Variants in SBK2 observed in about 807,000 individuals in gnomAD.
SBK2 encodes the protein SH3 domain binding kinase family member 2.
A neutral mutation model predicts 15.9 loss-of-function variants in SBK2; 18 were observed. The ratio of observed to expected loss-of-function variants is 1.13; its 90% CI spans 0.78 to 1.68. The LOEUF is 1.68. SBK2 is among the 40% of genes most tolerant of loss of function. The pLI is 0.00. For synonymous variants in SBK2, 284 were observed against 246.8 expected, an observed-to-expected ratio of 1.15 and a Z score of -1.41; for missense variants, 581 against 510.9, an observed-to-expected ratio of 1.14 and a Z score of -1.32.
At chr19:55,531,415 C>T (rs913946959) in intron 2 of SBK2, 70 bp from the exon 3 acceptor site, 20 of 1,205,768 alleles carry the variant, frequency 1.7e-5, no homozygotes, top group South Asian at 1.0e-4. Context: ...TGCTCTGTTC[C>T]CCTGTGGTCC....
In SBK2 at chr19:55,529,817, G is replaced by A. The variant is rs1299455826; in HGVS notation, c.963C>T (p.Ile321=). Residue 321 remains isoleucine (I), a synonymous_variant, in exon 4 of 4, where the codon ATC becomes ATT. Coordinates refer to ENST00000413299, the MANE Select transcript of SBK2 (RefSeq NM_001370096.2). Reference sequence around the variant, plus strand: ...TCCAGGGGCGCCCCAGGTGCTCCCTGATGGCGATCACAGCGCTCCTCCTTC... The same window carrying A: ...TCCAGGGGCGCCCCAGGTGCTCCCTAATGGCGATCACAGCGCTCCTCCTTC... ...HPRRRSAVIA[I]REHLGRPWRQ... 1 of 1,604,606 alleles carries A rather than the reference G, an allele frequency of 6.2e-7. No individual in the cohort carries two copies. Among genetic ancestry groups the A allele is most frequent in the Non-Finnish European group, 8.5e-7 (1 of 1,179,602 alleles).
intron 2 of SBK2, among the ~76,000 whole-genome samples, chr19:55,531,678 T>TA (rs913902121): frequency 6.6e-6 from 1 of 152,128 alleles, no homozygotes; most frequent in Non-Finnish European, 1.5e-5. Flanking sequence ...ACCCTACCTC[T>TA]AAAAAAAGTT....
At position 55,531,242 on chromosome 19, in the gene SBK2, GAT is replaced by G; in HGVS notation, c.355_356del (p.Ile119ArgfsTer379). The G allele has an allele frequency of 6.2e-7, 1 of 1,613,564 alleles. No individual in the cohort carries two copies. Among genetic ancestry groups the G allele is most frequent in the Non-Finnish European group, 8.5e-7 (1 of 1,179,886 alleles). On this transcript the variant is annotated frameshift_variant, in exon 3 of 4. Coordinates refer to ENST00000413299, the MANE Select transcript of SBK2 (RefSeq NM_001370096.2). LOFTEE classifies it high-confidence loss of function. ...CGATGCCAATGCCGTAGGCCGTCAC[GAT>G]GGCTGAGTGCGCGCCCAGCGAGAGC... is the stretch of plus-strand genomic sequence containing the variant. ...VGLSLGAHSA[I>X]VTAYGIGIES...
Position 55,531,102 on chromosome 19 carries a change from C to T in SBK2, c.456+41G>A, listed in dbSNP as rs771327717. ...GCTGCTCAGGACGTTCCTGGGAGGC[C>T]GGTGAGGCACTCGGAGGCGGCCTGG... On this transcript the variant is annotated intron_variant, in intron 3 of 3. Coordinates refer to ENST00000413299, the MANE Select transcript of SBK2 (RefSeq NM_001370096.2). 8.3e-6 allele frequency: 13 copies of T among 1,572,684 alleles called. No individual in the cohort carries two copies. The South Asian group carries it at 1.1e-4, about 13-fold the overall frequency.
intron 2 of SBK2, among the ~76,000 whole-genome samples, chr19:55,531,812 T>G (rs1032929691): frequency 6.6e-6 from 1 of 152,106 alleles, no homozygotes; most frequent in African/African-American, 2.4e-5. Flanking sequence ...ACCTCTTCTC[T>G]ACTAAAAACA....
At chr19:55,532,251 A>G (rs888555828) in intron 2 of SBK2, among the ~76,000 whole-genome samples, 2 of 149,698 alleles carry the variant, frequency 1.3e-5, no homozygotes, top group Non-Finnish European at 3.0e-5. Context: ...TGTGGAAACG[A>G]CTTCCTAGAA....
intron 2 of SBK2, among the ~76,000 whole-genome samples, chr19:55,534,448 C>T (rs1471248403): frequency 1.3e-5 from 2 of 152,132 alleles, no homozygotes; most frequent in East Asian, 3.9e-4. Context: ...GTGGCGCACA[C>T]CTGTAATCCC....
At position 55,536,175 on chromosome 19, in the gene SBK2, G is replaced by T. The variant is rs777880595; in HGVS notation, c.120C>A (p.Arg40=). The part of the protein sequence containing the change: ...EELQQGQEAA[R]ALEDMMTLSA... ...TCAGCGTCATCATGTCCTCCAGCGC[G>T]CGGGCAGCCTCCTGGCCCTGCTGGA... The change falls in exon 2 of 4, where the codon CGC becomes CGA. Residue 40 remains arginine, a synonymous_variant. Transcript: ENST00000413299. 4 of 1,606,760 alleles carry T rather than the reference G, an allele frequency of 2.5e-6. No individual in the cohort carries two copies. Among genetic ancestry groups the T allele is most frequent in the Non-Finnish European group, 3.4e-6 (4 of 1,176,966 alleles).
intron 3 of SBK2, 76 bp from the exon 4 acceptor site, chr19:55,530,399 C>T (rs1439998013): frequency 3.8e-6 from 5 of 1,302,304 alleles, no homozygotes; most frequent in Non-Finnish European, 5.0e-6. Context: ...AGGCCCAGGA[C>T]GCCAAGGAGG....
chr19:55,532,601 CTT>C (rs10682612), intron 2 of SBK2, among the ~76,000 whole-genome samples: 62 of 128,370 alleles, frequency 4.8e-4, no homozygotes, highest in Admixed American at 1.1e-3. Flanking sequence ...TACACCCGCC[CTT>C]TTTTTTTTTT....
At chr19:55,535,485 G>C (rs1452794481) in intron 2 of SBK2, among the ~76,000 whole-genome samples, 1 of 152,170 alleles carries the variant, frequency 6.6e-6, no homozygotes, top group African/African-American at 2.4e-5. Context: ...CATTCACTCA[G>C]AGGATCCACC....
Position 55,530,305 on chromosome 19 carries a change from C to T in SBK2, c.475G>A (p.Ala159Thr), listed in dbSNP as rs1213030020. The change falls in exon 4 of 4, where the codon GCG becomes ACG. Residue 159 changes from alanine (A) to threonine (T), a missense_variant. Transcript: ENST00000413299. ...IQPKVGLPQPAVHRCAAQLAS... is the reference protein window; with the variant it reads ...IQPKVGLPQPTVHRCAAQLAS... ...AGCTGGGCGGCGCAGCGGTGCACCG[C>T]GGGCTGCGGGAGGCCCACCTGCGGG... is the stretch of plus-strand genomic sequence containing the variant. The T allele has an allele frequency of 1.5e-5, 21 of 1,417,180 alleles. No individual in the cohort carries two copies. Among genetic ancestry groups the T allele is most frequent in the Admixed American group, 3.1e-5 (1 of 32,302 alleles). The allele number at this position is 1,417,180 out of a possible 1,614,324, so 87.8% of individuals were successfully genotyped here.
chr19:55,528,928 C>G lies in SBK2; in HGVS notation c.*805G>C, dbSNP rs188409686. Among the ~76,000 whole-genome samples the G allele has an allele frequency of 1.7e-4, 26 of 152,258 alleles. No homozygotes were observed. The highest frequency in any genetic ancestry group is 3.4e-3 in the Middle Eastern group (1 of 294). On this transcript the variant is annotated 3_prime_UTR_variant, in exon 4 of 4. Coordinates refer to ENST00000413299, the MANE Select transcript of SBK2 (RefSeq NM_001370096.2). ...AGCCATGCAGTTAGAAGAGGATACA[C>G]GTCCTAGAGCAACAGCAGAGTGGGG...
chr19:55,529,638 C>T lies in SBK2; in HGVS notation c.*95G>A. 1.4e-6 allele frequency: 2 copies of T among 1,471,546 alleles called. No homozygotes were observed. The highest frequency in any genetic ancestry group is 1.8e-6 in the Non-Finnish European group (2 of 1,112,466). 91.2% of individuals were successfully genotyped at this position (1,471,546 alleles called of 1,614,324 possible). ...AGGACGCCGAGGGGAATCCCAAGCC[C>T]CATGGATGAAAACACACCGAGGAGA... On this transcript the variant is annotated 3_prime_UTR_variant, in exon 4 of 4. Coordinates refer to ENST00000413299, the MANE Select transcript of SBK2 (RefSeq NM_001370096.2).
Position 55,530,285 on chromosome 19 carries a change from G to T in SBK2, c.495C>A (p.Ala165=). The change falls in exon 4 of 4, where the codon GCC becomes GCA. Residue 165 remains alanine, a synonymous_variant. Coordinates refer to ENST00000413299, the MANE Select transcript of SBK2 (RefSeq NM_001370096.2). ...TGTACTCCAGGGCGGAGGCCAGCTG[G>T]GCGGCGCAGCGGTGCACCGCGGGCT... is the stretch of plus-strand genomic sequence containing the variant. ...LPQPAVHRCA[A]QLASALEYIH... is the part of the protein sequence containing the mutation. 1 of 1,465,124 alleles carries T rather than the reference G, an allele frequency of 6.8e-7. No homozygotes were observed. The highest frequency in any genetic ancestry group is 9.0e-7 in the Non-Finnish European group (1 of 1,108,306). 90.8% of individuals were successfully genotyped at this position (1,465,124 alleles called of 1,614,324 possible).
chr19:55,529,256 C>T lies in SBK2; in HGVS notation c.*477G>A, dbSNP rs1182666452. On this transcript the variant is annotated 3_prime_UTR_variant, in exon 4 of 4. Coordinates refer to ENST00000413299, the MANE Select transcript of SBK2 (RefSeq NM_001370096.2). ...TAAAAAAAGTTAAAAATTAGCCTAGCGTGGTGGCGCATGCCTGTAGTCCCA... is the reference window on the plus strand; with the variant it reads ...TAAAAAAAGTTAAAAATTAGCCTAGTGTGGTGGCGCATGCCTGTAGTCCCA... 6.6e-6 allele frequency among the ~76,000 whole-genome samples: 1 copy of T among 152,022 alleles called. No individual in the cohort carries two copies. Among genetic ancestry groups the T allele is most frequent in the Non-Finnish European group, 1.5e-5 (1 of 68,004 alleles).
At position 55,536,237 on chromosome 19, in the gene SBK2, C is replaced by T. The variant is rs34316437; in HGVS notation, c.58G>A (p.Glu20Lys). 53 of 1,602,140 alleles carry T rather than the reference C, an allele frequency of 3.3e-5. No homozygotes were observed. The Middle Eastern group carries it at 6.7e-4, about 20-fold the overall frequency. ...PAEAGASEDS[E>K]EEGLGGLTLE... ...GTCAGGCCGCCCAGACCCTCCTCCT[C>T]GCTGTCCTCCGAAGCCCCTGCCTCC... Residue 20 changes from glutamate (E) to lysine (K), a missense_variant, in exon 2 of 4, where the codon GAG becomes AAG. By Grantham distance (56) the Glu-to-Lys change is moderately conservative (BLOSUM62 1). Coordinates refer to ENST00000413299, the MANE Select transcript of SBK2 (RefSeq NM_001370096.2).
chr19:55,534,058 C>T (rs941759314), intron 2 of SBK2, among the ~76,000 whole-genome samples: 2 of 152,158 alleles, frequency 1.3e-5, no homozygotes, highest in African/African-American at 2.4e-5. Context: ...CGTGGCTCTT[C>T]CTGAGGTGTG....
intron 1 of SBK2, among the ~76,000 whole-genome samples, chr19:55,536,806 C>T (rs1239651343): frequency 1.3e-5 from 2 of 151,358 alleles, no homozygotes; most frequent in South Asian, 2.1e-4. Flanking sequence ...GCCCCTCCTC[C>T]GCCAGGCCCA....
Sources: allele counts gnomAD v4.1 joint callset (sites outside exome capture counted in the v4.1 genomes callset), GRCh38; gene constraint gnomAD v4.1.1; transcripts MANE v1.5; gene names NCBI Gene and HGNC (gene_info 2026-07-23, HGNC 2026-07-21).